Variants in DCC observed in about 807,000 individuals in gnomAD.
DCC encodes the protein netrin receptor DCC.
In DCC, 58 loss-of-function variants were observed where a neutral mutation model predicts 172.5. The observed-to-expected ratio is 0.34, with a 90% confidence interval of 0.27 to 0.42. The LOEUF (loss-of-function observed/expected upper bound fraction) is 0.42, where lower values mean the gene tolerates loss of function less well. Among genes scored for constraint, DCC ranks in the 10% least tolerant of loss-of-function variants. The pLI is 1.00. For synonymous variants in DCC, 709 were observed against 644.5 expected (o/e 1.10, Z -1.52); for missense variants, 1,740 against 1,791.0 (o/e 0.97, Z 0.51).
intron 1 of DCC, among the ~76,000 whole-genome samples, chr18:52,599,169 T>C (rs570068919): frequency 6.6e-6 from 1 of 152,162 alleles, no homozygotes; most frequent in Non-Finnish European, 1.5e-5. Context: ...GAGACCGTTT[T>C]ACAGTAATCT....
intron 1 of DCC, among the ~76,000 whole-genome samples, chr18:52,642,069 TATATATATATAC>T (rs1568269799): frequency 1.1e-3 from 10 of 9,420 alleles, no homozygotes; most frequent in South Asian, 0.014. Flanking sequence ...TGTGTATATA[TATATATATATAC>T]ACACACACAC....
chr18:52,571,003 A>G (rs2033280277), intron 1 of DCC, among the ~76,000 whole-genome samples: 1 of 152,158 alleles, frequency 6.6e-6, no homozygotes, highest in Non-Finnish European at 1.5e-5. Context: ...ATCTATATGG[A>G]TGAGTAATTT....
chr18:52,894,481 G>A (rs116376332), intron 2 of DCC, among the ~76,000 whole-genome samples: 2,267 of 149,760 alleles, frequency 0.015, 43 homozygotes, highest in African/African-American at 0.038. Context: ...ATGTTTATGT[G>A]ATATATAAAT....
intron 27 of DCC, among the ~76,000 whole-genome samples, chr18:53,511,409 C>T (rs1406018126): frequency 6.6e-6 from 1 of 152,194 alleles, no homozygotes; most frequent in African/African-American, 2.4e-5. Context: ...GCCTTGTTTG[C>T]TTAACAAATG....
intron 1 of DCC, among the ~76,000 whole-genome samples, chr18:52,378,009 CT>C: frequency 6.6e-6 from 1 of 151,818 alleles, no homozygotes; most frequent in Non-Finnish European, 1.5e-5. Context: ...CAAGCCATTT[CT>C]TTTTTTTCTT....
At position 53,206,646 on chromosome 18, in the gene DCC, T is replaced by TAATATATGTATACATATTTATAATGCATA. The variant is rs2055653219; in HGVS notation, c.1723-1032_1723-1004dup. Reference sequence around the variant, plus strand: ...TAATACATATATGTATACATATATATAATATATGTATACATATTTATAATG... The same window carrying TAATATATGTATACATATTTATAATGCATA: ...TAATACATATATGTATACATATATATAATATATGTATACATATTTATAATGCATAAATATATGTATACATATTTATAATG... On this transcript the variant is annotated intron_variant, in intron 10 of 28. Coordinates refer to ENST00000442544, the MANE Select transcript of DCC (RefSeq NM_005215.4). Among the ~76,000 whole-genome samples, 4 of 146,126 alleles carry TAATATATGTATACATATTTATAATGCATA rather than the reference T, an allele frequency of 2.7e-5. No individual in the cohort carries two copies. The Admixed American group carries it at 2.8e-4, about 10-fold the overall frequency.
At chr18:53,015,281 C>T (rs1202693766) in intron 5 of DCC, among the ~76,000 whole-genome samples, 5 of 152,140 alleles carry the variant, frequency 3.3e-5, no homozygotes, top group African/African-American at 1.2e-4. Context: ...GACCAGCTGG[C>T]TAAAATCTTG....
chr18:53,168,953 T>A (rs1157444817), intron 8 of DCC, among the ~76,000 whole-genome samples: 1 of 152,114 alleles, frequency 6.6e-6, no homozygotes, highest in Non-Finnish European at 1.5e-5. Flanking sequence ...TAAAAGGGTA[T>A]CTTTGTCAAT....
chr18:52,894,473 G>A (rs1224785326), intron 2 of DCC, among the ~76,000 whole-genome samples: 1 of 149,666 alleles, frequency 6.7e-6, no homozygotes, highest in East Asian at 1.9e-4. Context: ...ATTAATATAT[G>A]TTTATGTGAT....
intron 8 of DCC, among the ~76,000 whole-genome samples, chr18:53,177,822 G>C (rs932770238): frequency 3.9e-5 from 6 of 152,110 alleles, no homozygotes; most frequent in Non-Finnish European, 8.8e-5. Flanking sequence ...CAGAAATTTC[G>C]GGTTTGAGGA....
At chr18:53,164,614 GAAT>G (rs1204636859) in intron 8 of DCC, among the ~76,000 whole-genome samples, 1 of 152,078 alleles carries the variant, frequency 6.6e-6, no homozygotes, top group Non-Finnish European at 1.5e-5. Flanking sequence ...TTCTCACATG[GAAT>G]AATAATAGTA....
At chr18:52,614,878 C>T (rs1387318316) in intron 1 of DCC, among the ~76,000 whole-genome samples, 3 of 152,092 alleles carry the variant, frequency 2.0e-5, no homozygotes, top group Non-Finnish European at 4.4e-5. Flanking sequence ...TAAAAACGAA[C>T]ATTGGGGCAT....
chr18:53,523,805 T>A (rs1461102330), intron 27 of DCC, among the ~76,000 whole-genome samples: 1 of 151,990 alleles, frequency 6.6e-6, no homozygotes, highest in East Asian at 1.9e-4. Flanking sequence ...CTAATGTAGA[T>A]GACAGGTTGA....
chr18:52,690,756 A>C (rs1346500626), intron 1 of DCC, among the ~76,000 whole-genome samples: 1 of 152,150 alleles, frequency 6.6e-6, no homozygotes, highest in Non-Finnish European at 1.5e-5. Flanking sequence ...AAATGAAATG[A>C]CCTTAATAAA....
chr18:53,478,328 T>C (rs1399748304), intron 25 of DCC, among the ~76,000 whole-genome samples: 1 of 152,202 alleles, frequency 6.6e-6, no homozygotes, highest in African/African-American at 2.4e-5. Context: ...AAGATTTAGA[T>C]CTACATTACA....
At chr18:53,297,167 C>T (rs896158271) in intron 12 of DCC, among the ~76,000 whole-genome samples, 9 of 152,118 alleles carry the variant, frequency 5.9e-5, no homozygotes, top group African/African-American at 2.2e-4. Flanking sequence ...TACTCTTGTA[C>T]GTCTACAGTG....
At chr18:53,259,543 C>A (rs1236806942) in intron 12 of DCC, among the ~76,000 whole-genome samples, 2 of 152,186 alleles carry the variant, frequency 1.3e-5, no homozygotes, top group African/African-American at 4.8e-5. Flanking sequence ...TTGGCCCCCA[C>A]TCTCTTCTGG....
chr18:52,358,531 A>G (rs1984479020), intron 1 of DCC, among the ~76,000 whole-genome samples: 1 of 152,216 alleles, frequency 6.6e-6, no homozygotes, highest in Non-Finnish European at 1.5e-5. Context: ...CCATATTACC[A>G]TATTTCCACA....
intron 5 of DCC, among the ~76,000 whole-genome samples, chr18:52,985,195 G>A (rs796776488): frequency 1.8e-4 from 28 of 151,786 alleles, no homozygotes; most frequent in African/African-American, 6.5e-4. Context: ...TTTTCTCTCT[G>A]TCTGCTTCCT....
Sources: allele counts gnomAD v4.1 joint callset (sites outside exome capture counted in the v4.1 genomes callset), GRCh38; gene constraint gnomAD v4.1.1; transcripts MANE v1.5; gene names NCBI Gene and HGNC (gene_info 2026-07-23, HGNC 2026-07-21).